TASOR: variants seen among roughly 807,000 people sequenced by gnomAD.
TASOR encodes protein TASOR.
A neutral mutation model predicts 178.6 loss-of-function variants in TASOR; 53 were observed. The observed-to-expected ratio is 0.30, with a 90% CI of 0.24 to 0.37. The LOEUF (loss-of-function observed/expected upper bound fraction) is 0.37, where lower values mean the gene tolerates loss of function less well. Among genes scored for constraint, TASOR ranks in the 10% least tolerant of loss-of-function variants. The pLI is 1.00. For synonymous variants in TASOR, 713 were observed against 696.2 expected (o/e 1.02, Z -0.38); for missense variants, 1,815 against 1,971.4 (o/e 0.92, Z 1.50).
chr3:56,626,506 G>A (rs1298262105), intron 21 of TASOR, among the ~76,000 whole-genome samples: 3 of 152,130 alleles, frequency 2.0e-5, no homozygotes, highest in Admixed American at 6.5e-5. Flanking sequence ...ACTTTGGGAG[G>A]CCGAGGCAGG....
chr3:56,647,357 C>G (rs778083399), intron 13 of TASOR, 134 bp from the exon 14 acceptor site: 120 of 622,344 alleles, frequency 1.9e-4, no homozygotes, highest in Middle Eastern at 1.3e-3. Context: ...AGTATGTACC[C>G]TAGTACATAT....
In TASOR at chr3:56,641,417, T is replaced by C. The variant is rs2077122103; in HGVS notation, c.2551A>G (p.Thr851Ala). ...GAAATAGCAACAGAATACTTAGATGTTGCATCAACTTCTAGTAATAAGCTC... is the reference window on the plus strand; with the variant it reads ...GAAATAGCAACAGAATACTTAGATGCTGCATCAACTTCTAGTAATAAGCTC... Reference protein sequence around the residue: ...TQSLLLEVDATSKYSVAISTS... With the variant: ...TQSLLLEVDAASKYSVAISTS... The change falls in exon 15 of 24, where the codon ACA (threonine) becomes GCA (alanine). Residue 851 changes from threonine to alanine, a missense_variant. Physicochemically the swap from Thr to Ala is moderately conservative, Grantham distance 58 (BLOSUM62 0). This residue lies in a region of TASOR where 655 missense variants were observed against 671.1 expected (regional missense o/e 0.98). Coordinates refer to ENST00000683822, the MANE Select transcript of TASOR (RefSeq NM_001365635.2). 4.4e-6 allele frequency: 7 copies of C among 1,603,888 alleles called. No homozygotes were observed. Among genetic ancestry groups the C allele is most frequent in the Middle Eastern group, 1.7e-4 (1 of 6,034 alleles).
chr3:56,648,631 CAAAA>C (rs56218279), intron 13 of TASOR, among the ~76,000 whole-genome samples, 187 bp downstream of exon 13: 9,962 of 83,318 alleles, frequency 0.12, 261 homozygotes, highest in South Asian at 0.26. Context: ...AACTCTGTAT[CAAAA>C]AAAAAAAAAA....
At chr3:56,674,258 T>C (rs2031053687) in intron 1 of TASOR, among the ~76,000 whole-genome samples, 1 of 148,420 alleles carries the variant, frequency 6.7e-6, no homozygotes, top group East Asian at 2.0e-4. Flanking sequence ...TCCAGCTCTT[T>C]GGGAGGCCAA....
chr3:56,632,390 G>A (rs1251430462), intron 18 of TASOR, among the ~76,000 whole-genome samples: 5 of 151,836 alleles, frequency 3.3e-5, no homozygotes, highest in African/African-American at 4.8e-5. Context: ...CAGGAGAATC[G>A]CTTGAACTTG....
intron 21 of TASOR, among the ~76,000 whole-genome samples, chr3:56,626,216 A>C (rs2076796200): frequency 6.6e-6 from 1 of 152,192 alleles, no homozygotes; most frequent in South Asian, 2.1e-4. Flanking sequence ...TGATTACCAT[A>C]ATCATTTATG....
chr3:56,653,597 A>G (rs2077405137), intron 11 of TASOR, among the ~76,000 whole-genome samples: 1 of 152,180 alleles, frequency 6.6e-6, no homozygotes, highest in Non-Finnish European at 1.5e-5. Context: ...CTGTCAACCC[A>G]GAATTGTGTA....
At chr3:56,630,967 C>T (rs2107539206) in intron 18 of TASOR, among the ~76,000 whole-genome samples, 1 of 152,030 alleles carries the variant, frequency 6.6e-6, no homozygotes, top group East Asian at 1.9e-4. Context: ...TTATGCTAAG[C>T]ACACCGGGAA....
At chr3:56,644,954 T>A (rs562044019) in intron 14 of TASOR, among the ~76,000 whole-genome samples, 1 of 152,162 alleles carries the variant, frequency 6.6e-6, no homozygotes. Context: ...GGCTACCACA[T>A]TGAATACCAT....
intron 9 of TASOR, among the ~76,000 whole-genome samples, chr3:56,662,045 G>A (rs377348407): frequency 3.3e-5 from 5 of 151,362 alleles, no homozygotes; most frequent in East Asian, 1.9e-4. Flanking sequence ...TGGGAGAATC[G>A]CTTGAACCCG....
At chr3:56,674,319 A>G (rs996658550) in intron 1 of TASOR, among the ~76,000 whole-genome samples, 1 of 151,014 alleles carries the variant, frequency 6.6e-6, no homozygotes, top group African/African-American at 2.4e-5. Context: ...TGGGCAACAC[A>G]GTGAGACCCT....
At chr3:56,671,415 G>T (rs1007337598) in intron 3 of TASOR, 185 bp downstream of exon 3, 18 of 515,998 alleles carry the variant, frequency 3.5e-5, no homozygotes, top group Non-Finnish European at 5.8e-5. Flanking sequence ...ACTGGTCAGA[G>T]AAAAAACTGA....
chr3:56,656,934 C>T (rs1578255076), intron 11 of TASOR, among the ~76,000 whole-genome samples: 1 of 151,422 alleles, frequency 6.6e-6, no homozygotes. Context: ...TGCTTGAACC[C>T]AGGAGGAGGA....
intron 1 of TASOR, 24 bp from the exon 2 acceptor site, chr3:56,673,749 A>T: frequency 2.0e-6 from 3 of 1,525,574 alleles, no homozygotes; most frequent in Non-Finnish European, 2.6e-6. Context: ...ACAAACATTT[A>T]AAATGTTTAA....
At chr3:56,676,462 A>G (rs541552711) in intron 1 of TASOR, among the ~76,000 whole-genome samples, 1 of 152,334 alleles carries the variant, frequency 6.6e-6, no homozygotes, top group South Asian at 2.1e-4. Flanking sequence ...ATTGTCCCCA[A>G]TTAAACTGTG....
chr3:56,665,893 C>T (rs575940090), intron 7 of TASOR, among the ~76,000 whole-genome samples: 5 of 152,112 alleles, frequency 3.3e-5, no homozygotes, highest in African/African-American at 1.2e-4. Flanking sequence ...GGCGTGAACC[C>T]GGGAGGCGGA....
intron 1 of TASOR, among the ~76,000 whole-genome samples, chr3:56,676,553 T>A (rs1264979267): frequency 6.6e-6 from 1 of 152,184 alleles, no homozygotes; most frequent in Non-Finnish European, 1.5e-5. Context: ...ATTTTAAAAG[T>A]TGGGTTATGA....
At chr3:56,651,768 A>G (rs1224868935) in intron 11 of TASOR, among the ~76,000 whole-genome samples, 1 of 152,178 alleles carries the variant, frequency 6.6e-6, no homozygotes, top group Non-Finnish European at 1.5e-5. Context: ...AAAAGATTCA[A>G]ACACTCAAAG....
At chr3:56,663,891 G>C (rs566636690) in intron 7 of TASOR, 3 of 980,178 alleles carry the variant, frequency 3.1e-6, no homozygotes, top group African/African-American at 3.5e-5. Context: ...AGAAGACACA[G>C]CCTCAATATA....
Sources: allele counts gnomAD v4.1 joint callset (sites outside exome capture counted in the v4.1 genomes callset), GRCh38; gene constraint gnomAD v4.1.1; regional missense constraint gnomAD v4.1.1; transcripts MANE v1.5; gene names NCBI Gene and HGNC (gene_info 2026-07-23, HGNC 2026-07-21).